The following XIAP variants were observed in gnomAD, a reference collection of about 807,000 sequenced individuals.
XIAP encodes X-linked inhibitor of apoptosis.
XIAP carries 3 observed loss-of-function variants against 33.1 expected under a neutral mutation model. That is an observed-to-expected ratio of 0.09 (90% CI 0.04 to 0.23). The LOEUF (loss-of-function observed/expected upper bound fraction) is 0.23. Ranked by LOEUF, XIAP falls within the 10% of genes least tolerant of loss-of-function variation. XIAP has a pLI of 1.00. For missense variants in XIAP, 264 were observed against 363.0 expected, an observed-to-expected ratio of 0.73 and a Z score of 2.22; for synonymous variants, 98 against 121.3, an observed-to-expected ratio of 0.81 and a Z score of 1.26.
In XIAP at chrX:123,907,560, T is replaced by C; in HGVS notation, c.*379T>C. 2.6e-6 allele frequency: 1 copy of C among 382,619 alleles called. No individual in the cohort carries two copies. The highest frequency in any genetic ancestry group is 3.0e-5 in the Admixed American group (1 of 32,886). The allele number at this position is 382,619 out of a possible 1,213,427, so 31.5% of individuals were successfully genotyped here. A position where few individuals can be genotyped will look rare whatever the true frequency, so the allele number is the denominator to read the frequency against. On this transcript the variant is annotated 3_prime_UTR_variant, in exon 7 of 7. Coordinates refer to ENST00000371199, the MANE Select transcript of XIAP (RefSeq NM_001167.4). Reference sequence around the variant, plus strand: ...AAATGGAGCTTTCTGTATATAAATGTGGAGATTAGAGTTAATCTCCCCAAT... The same window carrying C: ...AAATGGAGCTTTCTGTATATAAATGCGGAGATTAGAGTTAATCTCCCCAAT...
intron 1 of XIAP, among the ~76,000 whole-genome samples, chrX:123,867,716 C>A (rs1308694048): frequency 1.0e-5 from 1 of 97,010 alleles, no homozygotes; most frequent in Non-Finnish European, 2.0e-5. Flanking sequence ...TCATGTTGCC[C>A]AGGCTGGAGC....
At chrX:123,866,398 A>C (rs992001770) in intron 1 of XIAP, among the ~76,000 whole-genome samples, 1 of 103,719 alleles carries the variant, frequency 9.6e-6, no homozygotes, top group African/African-American at 3.5e-5. Flanking sequence ...TATAAAAGAA[A>C]TATGTGTTTC....
Position 123,913,349 on chromosome X carries a change from A to G in XIAP, c.*6168A>G, listed in dbSNP as rs1037333297. 1 of 326,673 alleles carries G rather than the reference A, an allele frequency of 3.1e-6. No homozygotes were observed. Among genetic ancestry groups the G allele is most frequent in the African/African-American group, 2.7e-5 (1 of 37,602 alleles). 26.9% of individuals were successfully genotyped at this position (326,673 alleles called of 1,213,427 possible). A position where few individuals can be genotyped will look rare whatever the true frequency, so the allele number is the denominator to read the frequency against. On this transcript the variant is annotated 3_prime_UTR_variant, in exon 7 of 7. Coordinates refer to ENST00000371199, the MANE Select transcript of XIAP (RefSeq NM_001167.4). ...GCTGGGCATGGTGGCGCATGCCTGT[A>G]GTCCCAGCTACTAGAGCGACTGAGG...
At chrX:123,899,405 GTGTTAAATATATATTAAAATGTATA>G (rs2053497115) in intron 5 of XIAP, among the ~76,000 whole-genome samples, 1 of 104,143 alleles carries the variant, frequency 9.6e-6, no homozygotes, top group Admixed American at 1.1e-4. Context: ...TATTAAATAT[GTGTTAAATATATATTAAAATGTATA>G]TGTTAAAATA....
chrX:123,875,032 T>C (rs1383766493), intron 1 of XIAP, among the ~76,000 whole-genome samples: 1 of 104,221 alleles, frequency 9.6e-6, no homozygotes, highest in African/African-American at 3.5e-5. Context: ...TTATTTTTTT[T>C]TTTTTTTGAG....
At chrX:123,887,991 A>T (rs1167797978) in intron 2 of XIAP, among the ~76,000 whole-genome samples, 1 of 98,396 alleles carries the variant, frequency 1.0e-5, no homozygotes, top group Admixed American at 1.1e-4. Flanking sequence ...TCTCAGAAAA[A>T]AATAATAATA....
At chrX:123,891,163 T>G in intron 3 of XIAP, 75 bp from the exon 4 acceptor site, 1 of 508,619 alleles carries the variant, frequency 2.0e-6, no homozygotes, top group Admixed American at 3.3e-5. Flanking sequence ...ATAGAATTAA[T>G]ATGATGGAGA....
intron 1 of XIAP, among the ~76,000 whole-genome samples, chrX:123,877,781 G>A (rs2053259552): frequency 9.1e-6 from 1 of 110,426 alleles, no homozygotes; most frequent in Non-Finnish European, 1.9e-5. Flanking sequence ...AGACCATCCT[G>A]GCTAACACGG....
chrX:123,864,615 C>G (rs909842548), intron 1 of XIAP, among the ~76,000 whole-genome samples: 2 of 106,855 alleles, frequency 1.9e-5, no homozygotes, highest in African/African-American at 3.4e-5. Flanking sequence ...TACAGGCACC[C>G]GCCACCACAC....
chrX:123,885,564 C>A (rs1003770748), intron 1 of XIAP, 67 bp from the exon 2 acceptor site: 1 of 915,309 alleles, frequency 1.1e-6, no homozygotes, highest in Non-Finnish European at 1.5e-6. Context: ...TTTGTTAGCT[C>A]CTATAACAAA....
chrX:123,860,647 A>G (rs982286887), intron 1 of XIAP: 27 of 174,583 alleles, frequency 1.5e-4, no homozygotes, highest in African/African-American at 7.5e-4. Context: ...GTGTGTCTGG[A>G]GAGGGCATAT....
intron 1 of XIAP, among the ~76,000 whole-genome samples, chrX:123,864,007 A>G (rs770581597): frequency 8.1e-5 from 9 of 110,489 alleles, no homozygotes; most frequent in East Asian, 5.6e-4. Flanking sequence ...GACCATTTCA[A>G]TAGTTAAGAA....
Position 123,907,115 on chromosome X carries a change from A to C in XIAP, c.1428A>C (p.Glu476Asp), listed in dbSNP as rs147510195. ...TAGTCACTTGTAAACAATGTGCTGA[A>C]GCAGTTGACAAGTGTCCCATGTGCT... The part of the protein sequence containing the change: ...GHLVTCKQCA[E>D]AVDKCPMCYT... Residue 476 changes from glutamate (E) to aspartate (D), a missense_variant, in exon 7 of 7, where the codon GAA (glutamate) becomes GAC (aspartate). Transcript: ENST00000371199. 1.3e-5 allele frequency: 16 copies of C among 1,210,294 alleles called. No individual in the cohort carries two copies. The African/African-American group carries it at 2.3e-4, about 17-fold the overall frequency.
chrX:123,869,362 C>CAAAAAAAAAAAAAAAAAAAAAAAAAAA lies in XIAP; in HGVS notation c.-33+9091_-33+9092insAAAAAAAAAAAAAAAAAAAAAAAAAAA, dbSNP rs57436822. Among the ~76,000 whole-genome samples, 32 of 29,723 alleles carry CAAAAAAAAAAAAAAAAAAAAAAAAAAA rather than the reference C, an allele frequency of 1.1e-3. 3 individuals are homozygous for CAAAAAAAAAAAAAAAAAAAAAAAAAAA. Among genetic ancestry groups the CAAAAAAAAAAAAAAAAAAAAAAAAAAA allele is most frequent in the African/African-American group, 1.5e-3 (10 of 6,666 alleles). 25.8% of individuals were successfully genotyped at this position (29,723 alleles called of 115,157 possible). A position where few individuals can be genotyped will look rare whatever the true frequency, so the allele number is the denominator to read the frequency against. On this transcript the variant is annotated intron_variant, in intron 1 of 6. Coordinates refer to ENST00000371199, the MANE Select transcript of XIAP (RefSeq NM_001167.4). ...AAACCCCATCTCTACTAAAAAAATA[C>CAAAAAAAAAAAAAAAAAAAAAAAAAAA]AAAAAAAAAAAAAAAAAAAAAAGCT...
chrX:123,888,295 A>C (rs2053372793), intron 2 of XIAP, among the ~76,000 whole-genome samples: 1 of 112,305 alleles, frequency 8.9e-6, no homozygotes, highest in African/African-American at 3.2e-5. Context: ...AGACTGCGCC[A>C]TTGCACTCCG....
rs1484649473 is a variant in XIAP at position 123,886,443 on chromosome X, T to C, written c.781T>C (p.Ser261Pro). The C allele has an allele frequency of 8.3e-7, 1 of 1,210,797 alleles. No individual in the cohort carries two copies. The highest frequency in any genetic ancestry group is 2.2e-5 in the Admixed American group (1 of 45,977). The change falls in exon 2 of 7, where the codon TCC becomes CCC. Residue 261 changes from serine to proline, a missense_variant. Coordinates refer to ENST00000371199, the MANE Select transcript of XIAP (RefSeq NM_001167.4). ...TTCAACAAATCTTCCAAGAAATCCA[T>C]CCATGGCAGATTATGAAGCACGGAT... is the stretch of plus-strand genomic sequence containing the variant. ...PNSTNLPRNP[S>P]MADYEARIFT... is the part of the protein sequence containing the mutation.
chrX:123,873,913 G>A (rs1232743918), intron 1 of XIAP: 1 of 102,761 alleles, frequency 9.7e-6, no homozygotes, highest in African/African-American at 3.6e-5. Context: ...CAGCCTGGGC[G>A]ACACAGCAAG....
chrX:123,888,004 T>TAAATA (rs1569478084), intron 2 of XIAP, among the ~76,000 whole-genome samples: 738 of 66,502 alleles, frequency 0.011, 6 homozygotes, highest in African/African-American at 0.034. Context: ...TAATAATAAT[T>TAAATA]AATAAATAAA....
intron 1 of XIAP, among the ~76,000 whole-genome samples, chrX:123,868,038 A>T (rs190706692): frequency 9.0e-6 from 1 of 111,395 alleles, no homozygotes. Context: ...CACTTTCTTC[A>T]TCTGTAAAGT....
Sources: allele counts gnomAD v4.1 joint callset (sites outside exome capture counted in the v4.1 genomes callset), GRCh38; gene constraint gnomAD v4.1.1; transcripts MANE v1.5; gene names NCBI Gene and HGNC (gene_info 2026-07-23, HGNC 2026-07-21).